SOBP: variants seen among roughly 807,000 people sequenced by gnomAD.
The protein encoded by SOBP is sine oculis-binding protein homolog.
A neutral mutation model predicts 53.6 loss-of-function variants in SOBP; 4 were observed. The observed-to-expected ratio is 0.07, with a 90% CI of 0.04 to 0.17. SOBP has a LOEUF of 0.17. Among genes scored for constraint, SOBP ranks in the 10% least tolerant of loss-of-function variants. SOBP has a pLI of 1.00. For missense variants in SOBP, 1,088 were observed against 1,204.7 expected (o/e 0.90, Z 1.43); for synonymous variants, 584 against 522.6 (o/e 1.12, Z -1.60).
intron 4 of SOBP, among the ~76,000 whole-genome samples, chr6:107,549,945 T>C (rs1166672599): frequency 6.6e-6 from 1 of 152,094 alleles, no homozygotes; most frequent in Non-Finnish European, 1.5e-5. Context: ...CAGCTGTGCA[T>C]GGGAGGAGAC....
intron 4 of SOBP, among the ~76,000 whole-genome samples, chr6:107,579,537 A>C (rs1451093712): frequency 6.6e-6 from 1 of 152,208 alleles, no homozygotes; most frequent in Non-Finnish European, 1.5e-5. Context: ...ATTTTAGTTC[A>C]TGTGGAAGCT....
intron 5 of SOBP, among the ~76,000 whole-genome samples, chr6:107,599,296 G>A (rs1283354589): frequency 6.6e-6 from 1 of 152,162 alleles, no homozygotes; most frequent in Non-Finnish European, 1.5e-5. Flanking sequence ...GCTCAATAAA[G>A]TGTAACTAAT....
intron 5 of SOBP, among the ~76,000 whole-genome samples, chr6:107,601,415 G>T (rs1247428392): frequency 6.6e-6 from 1 of 152,194 alleles, no homozygotes. Context: ...TTTGAATTTA[G>T]CTACTAGAGA....
At chr6:107,568,574 C>G (rs1300634915) in intron 4 of SOBP, among the ~76,000 whole-genome samples, 1 of 152,168 alleles carries the variant, frequency 6.6e-6, no homozygotes, top group African/African-American at 2.4e-5. Flanking sequence ...ATTAAGCCTG[C>G]TGCTCCTCTG....
chr6:107,556,147 G>A (rs1488388298), intron 4 of SOBP, among the ~76,000 whole-genome samples: 2 of 152,160 alleles, frequency 1.3e-5, no homozygotes, highest in Non-Finnish European at 2.9e-5. Context: ...ACCAGATCAT[G>A]GCTCTCCTTG....
Position 107,635,373 on chromosome 6 carries a change from C to T in SOBP, c.2529C>T (p.Cys843=). 1 of 1,613,560 alleles carries T rather than the reference C, an allele frequency of 6.2e-7. No homozygotes were observed. Among genetic ancestry groups the T allele is most frequent in the Non-Finnish European group, 8.5e-7 (1 of 1,180,032 alleles). The change falls in exon 6 of 7, where the codon TGC becomes TGT. Residue 843 remains cysteine (C), a synonymous_variant. Transcript: ENST00000317357. The surrounding 1 kb of genome is among the most constrained non-coding windows in gnomAD (Gnocchi z 4.5). The part of the protein sequence containing the change: ...KPAEKAAMAP[C]IISSPMLSAG... ...CGGAGAAGGCTGCCATGGCACCGTGCATCATCTCCTCGCCCATGCTCAGCG... is the reference window on the plus strand; with the variant it reads ...CGGAGAAGGCTGCCATGGCACCGTGTATCATCTCCTCGCCCATGCTCAGCG...
rs1770875242 is a variant in SOBP, at chr6:107,634,320, A to G, written c.1476A>G (p.Pro492=). ...GAPLPSLPFP[P]VSMMPNGPMP... is the part of the protein sequence containing the mutation. Reference sequence around the variant, plus strand: ...CGCTGCCGAGTCTTCCCTTCCCGCCAGTGAGCATGATGCCAAATGGCCCGA... The same window carrying G: ...CGCTGCCGAGTCTTCCCTTCCCGCCGGTGAGCATGATGCCAAATGGCCCGA... Residue 492 remains proline, a synonymous_variant, in exon 6 of 7, where the codon CCA becomes CCG. Transcript: ENST00000317357. This position sits in a 1 kb window ranked among gnomAD's most constrained non-coding sequence, Gnocchi z 4.5. 3.8e-6 allele frequency: 6 copies of G among 1,572,830 alleles called. No individual in the cohort carries two copies. Among genetic ancestry groups the G allele is most frequent in the Non-Finnish European group, 5.1e-6 (6 of 1,169,176 alleles).
intron 3 of SOBP, among the ~76,000 whole-genome samples, chr6:107,512,199 T>A (rs1421969962): frequency 6.6e-6 from 1 of 152,214 alleles, no homozygotes; most frequent in Non-Finnish European, 1.5e-5. Flanking sequence ...AAAAATCACA[T>A]CATGAACATA....
intron 4 of SOBP, among the ~76,000 whole-genome samples, chr6:107,576,362 A>G (rs1441004498): frequency 2.6e-5 from 4 of 152,234 alleles, no homozygotes; most frequent in Non-Finnish European, 5.9e-5. Flanking sequence ...AGATCTTTAC[A>G]TATATAATAC....
chr6:107,572,761 C>T lies in SOBP; in HGVS notation c.574-14319C>T, dbSNP rs775143445. ...CCCAAGCTCTGCTGAGCACTGAGCA[C>T]GTAAATCAGCAAATGATAAAGGTGT... is the stretch of plus-strand genomic sequence containing the variant. On this transcript the variant is annotated intron_variant, in intron 4 of 6. Transcript: ENST00000317357. Among the ~76,000 whole-genome samples the T allele has an allele frequency of 3.3e-5, 5 of 152,006 alleles. No homozygotes were observed. In the East Asian group the frequency reaches 5.8e-4, roughly 18 times the overall value.
chr6:107,529,564 G>A, intron 3 of SOBP: 1 of 985,292 alleles, frequency 1.0e-6, no homozygotes, highest in East Asian at 1.1e-4. Context: ...CAGTTTAATT[G>A]CCTGGAGTCC....
chr6:107,550,154 C>G (rs932055774), intron 4 of SOBP, among the ~76,000 whole-genome samples: 2 of 152,204 alleles, frequency 1.3e-5, no homozygotes, highest in Admixed American at 1.3e-4. Flanking sequence ...GACCCACACT[C>G]GGCTTGGACC....
intron 4 of SOBP, among the ~76,000 whole-genome samples, chr6:107,547,011 A>G (rs1470141148): frequency 6.6e-6 from 1 of 152,164 alleles, no homozygotes; most frequent in African/African-American, 2.4e-5. Context: ...TTATATTAGG[A>G]GTAGTGTCAC....
chr6:107,656,293 A>C (rs1170134229), intron 6 of SOBP, among the ~76,000 whole-genome samples: 1 of 13,818 alleles, frequency 7.2e-5, no homozygotes, highest in African/African-American at 4.6e-4. Flanking sequence ...AAAGAAAAGA[A>C]AGAAAGAAAG....
At chr6:107,513,878 A>T (rs1364707200) in intron 3 of SOBP, 1 of 152,718 alleles carries the variant, frequency 6.5e-6, no homozygotes, top group South Asian at 2.1e-4. Flanking sequence ...ATAGTTTTTG[A>T]GCATGTATTA....
chr6:107,535,664 A>ATT (rs574454490), intron 4 of SOBP, among the ~76,000 whole-genome samples: 109 of 151,218 alleles, frequency 7.2e-4, no homozygotes, highest in African/African-American at 2.5e-3. Context: ...ATAGAGAAAT[A>ATT]AACTAGTCTA....
intron 6 of SOBP, among the ~76,000 whole-genome samples, chr6:107,644,550 C>T (rs1052496523): frequency 2.6e-5 from 4 of 152,236 alleles, no homozygotes; most frequent in East Asian, 1.9e-4. Context: ...TTTTTCCAAA[C>T]GCAGAATCCA....
rs116670961 is a variant in SOBP at position 107,511,173 on chromosome 6, T to C, written c.421+4746T>C. 8.9e-3 allele frequency among the ~76,000 whole-genome samples: 1,362 copies of C among 152,336 alleles called. 19 individuals carry two copies. The highest frequency in any genetic ancestry group is 0.031 in the African/African-American group (1,303 of 41,570). ...ACTTGAGCCAAGACTAGTACTAAGG[T>C]CTTCTGACTCCTAATCCAAAATTCT... On this transcript the variant is annotated intron_variant, in intron 3 of 6. Transcript: ENST00000317357.
intron 6 of SOBP, among the ~76,000 whole-genome samples, chr6:107,645,589 G>A (rs537846089): frequency 6.6e-6 from 1 of 152,154 alleles, no homozygotes; most frequent in South Asian, 2.1e-4. Flanking sequence ...AAACTGATGT[G>A]ACACTGCAGA....
Sources: gnomAD v4.1 joint callset for allele counts (sites outside exome capture counted in the v4.1 genomes callset) on GRCh38, gnomAD v4.1.1 for gene constraint, Gnocchi (gnomAD v3.1) non-coding constraint, MANE v1.5 for transcripts, NCBI Gene and HGNC (gene_info 2026-07-23, HGNC 2026-07-21) for gene names.